Variants in TLN2 observed in about 807,000 individuals in gnomAD.
TLN2 encodes the protein talin-2.
A neutral mutation model predicts 294.7 loss-of-function variants in TLN2; 118 were observed. That is an observed-to-expected ratio of 0.40 (90% CI 0.34 to 0.47). The LOEUF (loss-of-function observed/expected upper bound fraction) is 0.47, where lower values mean the gene tolerates loss of function less well. Ranked by LOEUF, TLN2 falls within the 20% of genes least tolerant of loss-of-function variation. The pLI is 0.84. For synonymous variants in TLN2, 1,431 were observed against 1,304.5 expected (o/e 1.10, Z -2.09); for missense variants, 3,083 against 3,282.2 (o/e 0.94, Z 1.48).
At position 62,840,876 on chromosome 15, in the gene TLN2, A is replaced by G. The variant is rs1162308748; in HGVS notation, c.*266A>G. 2 of 400,392 alleles carry G rather than the reference A, an allele frequency of 5.0e-6. No homozygotes were observed. Among genetic ancestry groups the G allele is most frequent in the East Asian group, 4.2e-5 (1 of 23,974 alleles). 24.8% of individuals were successfully genotyped at this position (400,392 alleles called of 1,614,324 possible). On this transcript the variant is annotated 3_prime_UTR_variant, in exon 59 of 59. Coordinates refer to ENST00000636159, the MANE Select transcript of TLN2 (RefSeq NM_015059.3). ...CTCAGGAGAGAGGGGTGCACGTTTC[A>G]TGGACTGTTACCAACAAAGAAAAGT...
intron 1 of TLN2, among the ~76,000 whole-genome samples, chr15:62,503,262 C>T (rs1167463750): frequency 1.3e-5 from 2 of 152,142 alleles, no homozygotes; most frequent in South Asian, 2.1e-4. Context: ...AACCAATGCA[C>T]CTACCCTCCT....
chr15:62,829,734 G>T (rs545833156), intron 54 of TLN2: 1 of 152,194 alleles, frequency 6.6e-6, no homozygotes, highest in Non-Finnish European at 1.5e-5. Flanking sequence ...GTCACATGTA[G>T]TAGGTCTTAT....
At chr15:62,629,337 A>G (rs558480223) in intron 3 of TLN2, among the ~76,000 whole-genome samples, 3 of 152,334 alleles carry the variant, frequency 2.0e-5, no homozygotes, top group African/African-American at 4.8e-5. Context: ...TGATCAGTAC[A>G]TGGTGATATC....
chr15:62,598,949 A>G (rs2046774777), intron 2 of TLN2, among the ~76,000 whole-genome samples: 1 of 152,016 alleles, frequency 6.6e-6, no homozygotes, highest in South Asian at 2.1e-4. Flanking sequence ...AGCCTTGACC[A>G]TGGAACCAGG....
At chr15:62,577,554 C>T (rs535185363) in intron 1 of TLN2, among the ~76,000 whole-genome samples, 1 of 152,170 alleles carries the variant, frequency 6.6e-6, no homozygotes, top group Non-Finnish European at 1.5e-5. Flanking sequence ...ATATAATCTC[C>T]AGTGATTTCT....
chr15:62,578,262 A>T (rs1479473183), intron 1 of TLN2, among the ~76,000 whole-genome samples: 2 of 152,198 alleles, frequency 1.3e-5, no homozygotes, highest in Non-Finnish European at 2.9e-5. Context: ...AACCACCAGG[A>T]ACTGGAAAAC....
At chr15:62,696,246 T>G (rs532319662) in intron 14 of TLN2, among the ~76,000 whole-genome samples, 2 of 152,316 alleles carry the variant, frequency 1.3e-5, no homozygotes, top group Non-Finnish European at 2.9e-5. Context: ...TGTCTCTTCA[T>G]GCAGCTGCAC....
intron 2 of TLN2, among the ~76,000 whole-genome samples, chr15:62,598,035 G>T (rs537005649): frequency 6.6e-6 from 1 of 152,260 alleles, no homozygotes; most frequent in East Asian, 1.9e-4. Flanking sequence ...CCAGGCTGTC[G>T]TGTGTTGGAT....
At chr15:62,639,766 TC>T (rs1185835261) in intron 3 of TLN2, among the ~76,000 whole-genome samples, 6 of 152,284 alleles carry the variant, frequency 3.9e-5, no homozygotes, top group Admixed American at 1.3e-4. Context: ...CCCTCTGGGT[TC>T]CCACCAGTTG....
chr15:62,414,167 T>C (rs1367041567), intron 1 of TLN2, among the ~76,000 whole-genome samples: 2 of 79,988 alleles, frequency 2.5e-5, no homozygotes, highest in Non-Finnish European at 5.5e-5. Context: ...AAAAAAACTA[T>C]ATATATATAT....
chr15:62,405,460 C>T (rs140093968), intron 1 of TLN2, among the ~76,000 whole-genome samples: 9 of 152,324 alleles, frequency 5.9e-5, no homozygotes, highest in Admixed American at 2.6e-4. Flanking sequence ...ACTCCTGCAC[C>T]GCTTCTGGTT....
At chr15:62,665,177 C>T (rs1157016250) in intron 9 of TLN2, among the ~76,000 whole-genome samples, 1 of 152,026 alleles carries the variant, frequency 6.6e-6, no homozygotes. Flanking sequence ...GTCCCCTCAC[C>T]TCAGCCTCTC....
At chr15:62,435,552 T>G (rs2035244568) in intron 1 of TLN2, among the ~76,000 whole-genome samples, 1 of 152,222 alleles carries the variant, frequency 6.6e-6, no homozygotes, top group Admixed American at 6.5e-5. Context: ...TTTTTATTTA[T>G]TTTTTTGAAA....
chr15:62,779,625 G>A (rs1260767606), intron 43 of TLN2, among the ~76,000 whole-genome samples: 1 of 152,212 alleles, frequency 6.6e-6, no homozygotes, highest in Non-Finnish European at 1.5e-5. Flanking sequence ...CAGCATCCTG[G>A]CATGTGGGTA....
At chr15:62,761,938 A>T in intron 38 of TLN2, 117 bp downstream of exon 38, 1 of 1,358,122 alleles carries the variant, frequency 7.4e-7, no homozygotes, top group Non-Finnish European at 1.0e-6. Context: ...GGCTACTGTT[A>T]CTCTTGTCAA....
intron 32 of TLN2, among the ~76,000 whole-genome samples, chr15:62,742,343 T>A (rs1307918369): frequency 6.6e-6 from 1 of 152,122 alleles, no homozygotes; most frequent in African/African-American, 2.4e-5. Context: ...CGTTGCTTTT[T>A]TTCCTACAAA....
chr15:62,431,628 G>GT (rs1424485291), intron 1 of TLN2, among the ~76,000 whole-genome samples: 9 of 152,184 alleles, frequency 5.9e-5, no homozygotes, highest in Non-Finnish European at 1.2e-4. Flanking sequence ...TGATTTGGTA[G>GT]TTTAAGTTTG....
At chr15:62,657,271 A>G (rs1373517248) in intron 8 of TLN2, among the ~76,000 whole-genome samples, 1 of 151,762 alleles carries the variant, frequency 6.6e-6, no homozygotes, top group Non-Finnish European at 1.5e-5. Flanking sequence ...TGTCTTGAGT[A>G]TTGAGTTCTT....
At chr15:62,498,495 T>C (rs1178682819) in intron 1 of TLN2, among the ~76,000 whole-genome samples, 1 of 152,198 alleles carries the variant, frequency 6.6e-6, no homozygotes, top group African/African-American at 2.4e-5. Flanking sequence ...GTTCTGAGTG[T>C]AGGCAAAAGT....
Sources: gnomAD v4.1 joint callset for allele counts (sites outside exome capture counted in the v4.1 genomes callset) on GRCh38, gnomAD v4.1.1 for gene constraint, MANE v1.5 for transcripts, NCBI Gene and HGNC (gene_info 2026-07-23, HGNC 2026-07-21) for gene names.